IQCM: variants seen among roughly 807,000 people sequenced by gnomAD.
IQCM encodes IQ motif containing M.
IQCM carries 45 observed loss-of-function variants against 57.6 expected under a neutral mutation model. That is an observed-to-expected ratio of 0.78 (90% confidence interval 0.62 to 1.00). The LOEUF (loss-of-function observed/expected upper bound fraction) is 1.00, where lower values mean the gene tolerates loss of function less well. IQCM is among the 50% of genes least tolerant of loss of function. The pLI is 0.00. For missense variants in IQCM, 468 were observed against 511.6 expected (o/e 0.91, Z 0.82); for synonymous variants, 148 against 158.9 (o/e 0.93, Z 0.51).
chr4:149,382,079 G>A (rs1256036584), intron 13 of IQCM, among the ~76,000 whole-genome samples: 2 of 151,832 alleles, frequency 1.3e-5, no homozygotes, highest in Admixed American at 6.6e-5. Flanking sequence ...ATAGTATTTC[G>A]AAGCATGCAT....
intron 13 of IQCM, among the ~76,000 whole-genome samples, chr4:149,418,497 A>T (rs1185776169): frequency 6.6e-6 from 1 of 152,120 alleles, no homozygotes; most frequent in Non-Finnish European, 1.5e-5. Context: ...TTACAGCTAA[A>T]TTCTACCAGA....
intron 13 of IQCM, among the ~76,000 whole-genome samples, chr4:149,389,142 G>T (rs1731661953): frequency 6.6e-6 from 1 of 151,672 alleles, no homozygotes; most frequent in Non-Finnish European, 1.5e-5. Context: ...TGCATATAAT[G>T]CATCTTGAGC....
chr4:149,641,928 T>G (rs1758227993), intron 7 of IQCM, among the ~76,000 whole-genome samples: 1 of 152,132 alleles, frequency 6.6e-6, no homozygotes, highest in Non-Finnish European at 1.5e-5. Context: ...AGATCTTGAT[T>G]TTGTATTCTA....
At chr4:149,784,556 C>T (rs920683297) in intron 2 of IQCM, among the ~76,000 whole-genome samples, 1 of 152,148 alleles carries the variant, frequency 6.6e-6, no homozygotes, top group Non-Finnish European at 1.5e-5. Flanking sequence ...GCTGGGACTA[C>T]AGGTGCCCGC....
At chr4:149,585,980 A>G (rs1014504457) in intron 9 of IQCM, among the ~76,000 whole-genome samples, 2 of 151,726 alleles carry the variant, frequency 1.3e-5, no homozygotes, top group African/African-American at 2.4e-5. Context: ...TTTAGAGTCC[A>G]GATTATCTGA....
At chr4:149,571,230 T>C (rs1367191125) in intron 9 of IQCM, among the ~76,000 whole-genome samples, 2 of 152,008 alleles carry the variant, frequency 1.3e-5, no homozygotes, top group East Asian at 1.9e-4. Flanking sequence ...AGCCAAGATA[T>C]GGAATCAACC....
chr4:149,803,060 A>C (rs1342589239), intron 2 of IQCM, among the ~76,000 whole-genome samples: 1 of 152,010 alleles, frequency 6.6e-6, no homozygotes. Flanking sequence ...CAGATGCAGT[A>C]ACTTGCCCAT....
At chr4:149,680,969 G>T (rs2150201821) in intron 7 of IQCM, among the ~76,000 whole-genome samples, 1 of 151,402 alleles carries the variant, frequency 6.6e-6, no homozygotes, top group African/African-American at 2.4e-5. Flanking sequence ...GTCCTTCAAA[G>T]AGCTAAAAAG....
At chr4:149,402,947 CAT>C (rs746941036) in intron 13 of IQCM, among the ~76,000 whole-genome samples, 19 of 151,848 alleles carry the variant, frequency 1.3e-4, no homozygotes, top group Admixed American at 6.6e-4. Context: ...AACTCTATCA[CAT>C]GTTATTTCCA....
intron 2 of IQCM, among the ~76,000 whole-genome samples, chr4:149,751,769 A>G (rs1230494826): frequency 6.6e-6 from 1 of 152,114 alleles, no homozygotes; most frequent in African/African-American, 2.4e-5. Context: ...TTTAAACCAG[A>G]GATGATATGT....
intron 7 of IQCM, among the ~76,000 whole-genome samples, chr4:149,679,405 T>C (rs1762008518): frequency 6.6e-6 from 1 of 151,516 alleles, no homozygotes; most frequent in South Asian, 2.1e-4. Context: ...GAAAATAAGA[T>C]GTAAATATAT....
chr4:149,787,285 G>GTT (rs940545211), intron 2 of IQCM, among the ~76,000 whole-genome samples: 1 of 141,120 alleles, frequency 7.1e-6, no homozygotes, highest in Non-Finnish European at 1.6e-5. Flanking sequence ...TCCTGGGTTT[G>GTT]TTTTTTTTTT....
At chr4:149,513,490 G>T (rs1285645841) in intron 12 of IQCM, among the ~76,000 whole-genome samples, 1 of 152,134 alleles carries the variant, frequency 6.6e-6, no homozygotes, top group East Asian at 1.9e-4. Context: ...TTTCCAAATG[G>T]AAGTACTAGA....
intron 13 of IQCM, among the ~76,000 whole-genome samples, chr4:149,382,148 G>A (rs1165311075): frequency 3.9e-5 from 6 of 151,996 alleles, no homozygotes; most frequent in Admixed American, 3.9e-4. Context: ...TTTGCTGGCA[G>A]GGATTTTTGA....
At chr4:149,511,138 T>C (rs184055914) in intron 12 of IQCM, among the ~76,000 whole-genome samples, 2 of 152,324 alleles carry the variant, frequency 1.3e-5, no homozygotes, top group East Asian at 3.9e-4. Context: ...ATGTCTATGA[T>C]ATTCTTCCTT....
At chr4:149,369,899 A>G (rs1371612042) in intron 13 of IQCM, among the ~76,000 whole-genome samples, 2 of 152,128 alleles carry the variant, frequency 1.3e-5, no homozygotes, top group Admixed American at 1.3e-4. Flanking sequence ...ATTCTTATTT[A>G]ATTTATTAAT....
intron 5 of IQCM, among the ~76,000 whole-genome samples, chr4:149,697,704 T>C (rs1188843729): frequency 6.6e-6 from 1 of 152,146 alleles, no homozygotes; most frequent in Non-Finnish European, 1.5e-5. Flanking sequence ...TCTATTGCCT[T>C]CATTGTGATT....
At chr4:149,468,200 A>G (rs943853780) in intron 12 of IQCM, among the ~76,000 whole-genome samples, 3 of 152,186 alleles carry the variant, frequency 2.0e-5, no homozygotes, top group African/African-American at 7.2e-5. Context: ...AGGAAGCACA[A>G]GGGGTCAGGA....
At chr4:149,776,724 G>A (rs1249916927) in intron 2 of IQCM, among the ~76,000 whole-genome samples, 1 of 152,070 alleles carries the variant, frequency 6.6e-6, no homozygotes, top group Non-Finnish European at 1.5e-5. Flanking sequence ...AAAGAGGGAT[G>A]TCCTCCTCAT....
Sources: gnomAD v4.1 joint callset for allele counts (sites outside exome capture counted in the v4.1 genomes callset) on GRCh38, gnomAD v4.1.1 for gene constraint, MANE v1.5 for transcripts, NCBI Gene and HGNC (gene_info 2026-07-23, HGNC 2026-07-21) for gene names.